Variants in CALHM4 observed in about 807,000 individuals in gnomAD.
CALHM4 encodes calcium homeostasis modulator family member 4.
In CALHM4, 16 loss-of-function variants were observed where a neutral mutation model predicts 13.3. The ratio of observed to expected loss-of-function variants is 1.20; its 90% CI spans 0.81 to 1.82. The LOEUF (loss-of-function observed/expected upper bound fraction) is 1.82. CALHM4 is among the 40% of genes most tolerant of loss of function. The probability of loss-of-function intolerance (pLI) is 0.00; values close to 1 mark genes in which losing one functional copy is unlikely to be tolerated. For missense variants in CALHM4, 344 were observed against 374.9 expected (o/e 0.92, Z 0.68); for synonymous variants, 127 against 137.1 (o/e 0.93, Z 0.52).
chr6:116,554,639 AC>A (rs1301875057), intron 1 of CALHM4, among the ~76,000 whole-genome samples: 1 of 152,194 alleles, frequency 6.6e-6, no homozygotes, highest in African/African-American at 2.4e-5. Context: ...TGTGGGGAAT[AC>A]ATTACCAATA....
At chr6:116,540,441 C>T (rs1211722620) in intron 1 of CALHM4, 1 of 1,551,338 alleles carries the variant, frequency 6.4e-7, no homozygotes, top group Non-Finnish European at 8.7e-7. Flanking sequence ...CTTCCACAAG[C>T]CGCGTTCCAA....
intron 2 of CALHM4, among the ~76,000 whole-genome samples, chr6:116,545,848 G>T (rs1401115942): frequency 6.6e-6 from 1 of 152,202 alleles, no homozygotes; most frequent in Non-Finnish European, 1.5e-5. Context: ...TAGCCCGAGG[G>T]AGTTCAAGAG....
intron 2 of CALHM4, among the ~76,000 whole-genome samples, chr6:116,545,265 C>A (rs1773711546): frequency 2.0e-5 from 3 of 151,894 alleles, no homozygotes; most frequent in South Asian, 2.1e-4. Flanking sequence ...GAAAAGAAGA[C>A]CTTAAAGTGT....
At chr6:116,542,748 T>C in intron 1 of CALHM4, among the ~76,000 whole-genome samples, 1 of 152,136 alleles carries the variant, frequency 6.6e-6, no homozygotes, top group East Asian at 1.9e-4. Context: ...AATATGTTTT[T>C]TAAGAAAAGC....
At chr6:116,551,152 T>C (rs528737388), upstream of CALHM4, among the ~76,000 whole-genome samples, 4 of 152,304 alleles carry the variant, frequency 2.6e-5, no homozygotes, top group East Asian at 7.7e-4. Context: ...TGACCAAACC[T>C]GATGCACCCC....
Position 116,558,468 on chromosome 6 carries a change from G to A in CALHM4, c.*257G>A. The A allele has an allele frequency of 2.5e-6, 1 of 407,644 alleles. No homozygotes were observed. The highest frequency in any genetic ancestry group is 4.4e-6 in the Non-Finnish European group (1 of 227,686). The allele number at this position is 407,644 out of a possible 1,614,324, so 25.3% of individuals were successfully genotyped here. On this transcript the variant is annotated 3_prime_UTR_variant, in exon 2 of 2. Coordinates refer to ENST00000368596, the MANE Select transcript of CALHM4 (RefSeq NM_001366078.2). ...ACATGGAAATTTGCATCTTAGTTCT[G>A]TTACTTAGTAGCTGTGTGAAAATTA...
At chr6:116,540,224 C>T in intron 1 of CALHM4, 1 of 781,498 alleles carries the variant, frequency 1.3e-6, no homozygotes, top group Non-Finnish European at 2.0e-6. Flanking sequence ...AAATAAAATG[C>T]TTTTCAATCA....
chr6:116,548,934 A>G (rs528119208), upstream of CALHM4, among the ~76,000 whole-genome samples: 3 of 152,340 alleles, frequency 2.0e-5, no homozygotes, highest in South Asian at 2.1e-4. Context: ...CCTTCACACA[A>G]TTGTAAGGTG....
intron 1 of CALHM4, among the ~76,000 whole-genome samples, chr6:116,538,730 C>G (rs1323666151): frequency 6.7e-6 from 1 of 150,070 alleles, no homozygotes; most frequent in African/African-American, 2.5e-5. Context: ...TTAAATCTTT[C>G]TTTCTTTTTT....
intron 1 of CALHM4, among the ~76,000 whole-genome samples, chr6:116,541,145 G>C (rs1317387694): frequency 6.6e-6 from 1 of 151,666 alleles, no homozygotes; most frequent in African/African-American, 2.4e-5. Context: ...GAAAACCTTC[G>C]ATTGAGATGT....
upstream of CALHM4, among the ~76,000 whole-genome samples, chr6:116,551,089 C>A (rs1011041497): frequency 6.6e-6 from 1 of 152,188 alleles, no homozygotes; most frequent in Non-Finnish European, 1.5e-5. Flanking sequence ...GCCTTTTCCA[C>A]AGAGTGCCCA....
upstream of CALHM4, among the ~76,000 whole-genome samples, chr6:116,551,196 G>T (rs572879805): frequency 1.3e-5 from 2 of 152,014 alleles, no homozygotes; most frequent in Non-Finnish European, 2.9e-5. Context: ...TATTTAAATG[G>T]CATTGGCCTC....
At chr6:116,547,936 T>C (rs1381728283) in intron 2 of CALHM4, among the ~76,000 whole-genome samples, 1 of 152,186 alleles carries the variant, frequency 6.6e-6, no homozygotes, top group Non-Finnish European at 1.5e-5. Flanking sequence ...GCTGGTCCTT[T>C]GGGAATACAT....
chr6:116,540,999 G>T (rs1773415950), intron 1 of CALHM4, among the ~76,000 whole-genome samples: 1 of 152,084 alleles, frequency 6.6e-6, no homozygotes, highest in Non-Finnish European at 1.5e-5. Flanking sequence ...AGACTCTGAA[G>T]TTTACTAAGT....
chr6:116,556,918 T>A (rs759470425), intron 1 of CALHM4, among the ~76,000 whole-genome samples: 1 of 151,062 alleles, frequency 6.6e-6, no homozygotes, highest in Non-Finnish European at 1.5e-5. Context: ...ACAGTGACTA[T>A]GCTATTCATT....
rs145628712 is a variant in CALHM4, at chr6:116,558,059, C to T, written c.793C>T (p.Arg265Cys). The T allele has an allele frequency of 1.1e-3, 1,855 of 1,614,132 alleles. 7 individuals carry two copies. Among genetic ancestry groups the T allele is most frequent in the South Asian group, 2.1e-3 (195 of 91,084 alleles). ...IPGSEDVKHI[R>C]IPSCQDWKDI... ...CGGGAGTGAAGACGTCAAACACATCCGCATTCCTTCTTGTCAGGACTGGAA... is the reference window on the plus strand; with the variant it reads ...CGGGAGTGAAGACGTCAAACACATCTGCATTCCTTCTTGTCAGGACTGGAA... The change falls in exon 2 of 2, where the codon CGC (arginine) becomes TGC (cysteine). Residue 265 changes from arginine to cysteine, a missense_variant. By Grantham distance (180) the Arg-to-Cys change is radical (BLOSUM62 -3). Transcript: ENST00000368596.
intron 1 of CALHM4, among the ~76,000 whole-genome samples, chr6:116,542,082 CA>C: frequency 6.6e-6 from 1 of 152,114 alleles, no homozygotes; most frequent in Non-Finnish European, 1.5e-5. Context: ...AGCTTTTTCA[CA>C]AAACAATGCA....
chr6:116,560,614 C>G lies in CALHM4; in HGVS notation c.*2403C>G, dbSNP rs1774541656. On this transcript the variant is annotated 3_prime_UTR_variant, in exon 2 of 2. Transcript: ENST00000368596. ...GGGATTTCATCTTACAGTACATTAT[C>G]TATCTCAGATCAAATAAATGGAATT... 7.4e-6 allele frequency among the ~76,000 whole-genome samples: 1 copy of G among 135,394 alleles called. No homozygotes were observed. The highest frequency in any genetic ancestry group is 1.5e-5 in the Non-Finnish European group (1 of 65,696). 88.8% of individuals were successfully genotyped at this position (135,394 alleles called of 152,430 possible).
At position 116,560,414 on chromosome 6, in the gene CALHM4, C is replaced by G. The variant is rs533197105; in HGVS notation, c.*2203C>G. Among the ~76,000 whole-genome samples, 1 of 152,278 alleles carries G rather than the reference C, an allele frequency of 6.6e-6. No individual in the cohort carries two copies. The highest frequency in any genetic ancestry group is 2.1e-4 in the South Asian group (1 of 4,826). On this transcript the variant is annotated 3_prime_UTR_variant, in exon 2 of 2. Coordinates refer to ENST00000368596, the MANE Select transcript of CALHM4 (RefSeq NM_001366078.2). The stretch of plus-strand genomic sequence containing the variant: ...ATTTCCACTAGCTTCTGAAGCCCTT[C>G]TACATCAAACTCTTTTAGTGTATGA...
Sources: gnomAD v4.1 joint callset for allele counts (sites outside exome capture counted in the v4.1 genomes callset) on GRCh38, gnomAD v4.1.1 for gene constraint, MANE v1.5 for transcripts, NCBI Gene and HGNC (gene_info 2026-07-23, HGNC 2026-07-21) for gene names.